Variants in EXT1 observed in about 807,000 individuals in gnomAD.
The protein encoded by EXT1 is exostosin glycosyltransferase 1.
In EXT1, 20 loss-of-function variants were observed where a neutral mutation model predicts 82.5. The ratio of observed to expected loss-of-function variants is 0.24; its 90% CI spans 0.17 to 0.35. EXT1 has a LOEUF of 0.35. Among genes scored for constraint, EXT1 ranks in the 10% least tolerant of loss-of-function variants. The pLI is 1.00. For missense variants in EXT1, 757 were observed against 936.5 expected, an observed-to-expected ratio of 0.81 and a Z score of 2.50; for synonymous variants, 348 against 350.8, an observed-to-expected ratio of 0.99 and a Z score of 0.09.
intron 1 of EXT1, among the ~76,000 whole-genome samples, chr8:117,970,922 T>C (rs1157766957): frequency 2.0e-5 from 3 of 152,108 alleles, no homozygotes; most frequent in African/African-American, 7.2e-5. Context: ...AGCAGGATCA[T>C]CTCACAGGAT....
intron 1 of EXT1, among the ~76,000 whole-genome samples, chr8:117,934,112 C>A (rs1814113332): frequency 6.6e-6 from 1 of 152,126 alleles, no homozygotes; most frequent in South Asian, 2.1e-4. Flanking sequence ...GTTTTGAAAC[C>A]CTTTAGTCTG....
At chr8:117,831,229 G>C (rs1193733351) in intron 3 of EXT1, among the ~76,000 whole-genome samples, 1 of 152,162 alleles carries the variant, frequency 6.6e-6, no homozygotes, top group Non-Finnish European at 1.5e-5. Flanking sequence ...GTGCTTTCTT[G>C]AATGAGTTAG....
At chr8:117,846,403 T>C (rs780054739) in intron 1 of EXT1, among the ~76,000 whole-genome samples, 4 of 152,290 alleles carry the variant, frequency 2.6e-5, no homozygotes, top group African/African-American at 4.8e-5. Flanking sequence ...CCATCGTGCC[T>C]GGCCAGCACC....
At chr8:117,926,980 G>A (rs1813964233) in intron 1 of EXT1, among the ~76,000 whole-genome samples, 1 of 152,176 alleles carries the variant, frequency 6.6e-6, no homozygotes, top group Non-Finnish European at 1.5e-5. Flanking sequence ...ACACCCAAAT[G>A]TCCAGCTGTT....
At chr8:117,866,985 G>A (rs1289989720) in intron 1 of EXT1, among the ~76,000 whole-genome samples, 1 of 152,070 alleles carries the variant, frequency 6.6e-6, no homozygotes, top group East Asian at 1.9e-4. Flanking sequence ...AGGAGGCTGG[G>A]TACAGTGGCT....
intron 1 of EXT1, among the ~76,000 whole-genome samples, chr8:117,889,280 A>T (rs1813201594): frequency 6.6e-6 from 1 of 152,208 alleles, no homozygotes; most frequent in South Asian, 2.1e-4. Flanking sequence ...TGTTTGAGCC[A>T]CTATTTCCTT....
intron 1 of EXT1, among the ~76,000 whole-genome samples, chr8:117,952,642 A>C (rs1259748809): frequency 6.6e-6 from 1 of 152,140 alleles, no homozygotes; most frequent in Non-Finnish European, 1.5e-5. Flanking sequence ...CATGCCTGTA[A>C]TCCCAGTCAC....
chr8:117,805,366 TGAGTCC>T (rs1434875066), intron 9 of EXT1, among the ~76,000 whole-genome samples: 9 of 152,338 alleles, frequency 5.9e-5, no homozygotes, highest in African/African-American at 2.2e-4. Flanking sequence ...CCCTTGACTC[TGAGTCC>T]AACAATAGAC....
Position 117,909,166 on chromosome 8 carries a change from ACTTGG to A in EXT1, c.963-71970_963-71966del, listed in dbSNP as rs1227953882. On this transcript the variant is annotated intron_variant, in intron 1 of 10. Coordinates refer to ENST00000378204, the MANE Select transcript of EXT1 (RefSeq NM_000127.3). The stretch of plus-strand genomic sequence containing the variant: ...AGAGAAAAGCTGCTATAGATGAATA[ACTTGG>A]TGTCATGGCTAAAAAAGAACAATAA... Among the ~76,000 whole-genome samples, 719 of 152,216 alleles carry A rather than the reference ACTTGG, an allele frequency of 4.7e-3. 6 individuals carry two copies. Among genetic ancestry groups the A allele is most frequent in the African/African-American group, 0.013 (547 of 41,528 alleles).
intron 1 of EXT1, among the ~76,000 whole-genome samples, chr8:118,078,099 G>C (rs1817242707): frequency 1.3e-5 from 2 of 152,060 alleles, no homozygotes; most frequent in Admixed American, 1.3e-4. Flanking sequence ...AAGTCACTTT[G>C]AATCTACATA....
At chr8:118,095,033 T>G (rs979023664) in intron 1 of EXT1, among the ~76,000 whole-genome samples, 5 of 152,190 alleles carry the variant, frequency 3.3e-5, no homozygotes, top group African/African-American at 1.2e-4. Context: ...TACATGTGCA[T>G]GTACAGATGT....
intron 7 of EXT1, 84 bp from the exon 8 acceptor site, chr8:117,813,045 A>C: frequency 9.4e-7 from 1 of 1,069,480 alleles, no homozygotes; most frequent in South Asian, 1.3e-5. Context: ...CAATTCTCCC[A>C]TCCTCACCTG....
At chr8:117,814,179 TAA>T (rs1004424690) in intron 7 of EXT1, among the ~76,000 whole-genome samples, 25 of 151,774 alleles carry the variant, frequency 1.6e-4, no homozygotes, top group African/African-American at 6.0e-4. Context: ...GGTGTATGCA[TAA>T]AGTTTGGGCA....
intron 1 of EXT1, among the ~76,000 whole-genome samples, chr8:117,940,936 C>T (rs190031415): frequency 6.4e-4 from 97 of 152,278 alleles, no homozygotes; most frequent in Non-Finnish European, 1.2e-3. Flanking sequence ...TAGTTACTGA[C>T]TGATATGGGG....
intron 1 of EXT1, among the ~76,000 whole-genome samples, chr8:118,065,998 C>T (rs1434188289): frequency 6.6e-6 from 1 of 152,146 alleles, no homozygotes; most frequent in East Asian, 1.9e-4. Context: ...CATTCCAGTT[C>T]CAATAAGGTT....
intron 7 of EXT1, among the ~76,000 whole-genome samples, chr8:117,815,339 G>C (rs999797992): frequency 6.6e-6 from 1 of 152,200 alleles, no homozygotes; most frequent in African/African-American, 2.4e-5. Flanking sequence ...GAATGAGGAA[G>C]ATGTAGGGCT....
In EXT1 at chr8:118,048,025, T is replaced by TAA. The variant is rs61039447; in HGVS notation, c.962+62058_962+62059dup. 9.8e-3 allele frequency among the ~76,000 whole-genome samples: 1,422 copies of TAA among 145,482 alleles called. 16 individuals carry two copies. The highest frequency in any genetic ancestry group is 0.029 in the African/African-American group (1,126 of 39,350). ...TGGACAACAGAACAAGAATTAATAT[T>TAA]AAAAAAAAAAAAAATCAGTACCTGG... On this transcript the variant is annotated intron_variant, in intron 1 of 10. Transcript: ENST00000378204.
At chr8:117,851,695 C>A (rs1457371301) in intron 1 of EXT1, among the ~76,000 whole-genome samples, 2 of 151,928 alleles carry the variant, frequency 1.3e-5, no homozygotes, top group East Asian at 3.9e-4. Flanking sequence ...GGTGCACATA[C>A]CCTAAACCAC....
At chr8:118,089,648 AT>A (rs1353038302) in intron 1 of EXT1, among the ~76,000 whole-genome samples, 2 of 152,230 alleles carry the variant, frequency 1.3e-5, no homozygotes, top group African/African-American at 4.8e-5. Context: ...ATTTTAAAAA[AT>A]ATGTCCTTTT....
Sources: gnomAD v4.1 joint callset for allele counts (sites outside exome capture counted in the v4.1 genomes callset) on GRCh38, gnomAD v4.1.1 for gene constraint, MANE v1.5 for transcripts, NCBI Gene and HGNC (gene_info 2026-07-23, HGNC 2026-07-21) for gene names.